STXBP5L: variants seen among roughly 807,000 people sequenced by gnomAD.
STXBP5L encodes the protein syntaxin binding protein 5L, also known as syntaxin-binding protein 5-like.
A neutral mutation model predicts 144.5 loss-of-function variants in STXBP5L; 65 were observed. That is an observed-to-expected ratio of 0.45 (90% CI 0.37 to 0.55). The LOEUF is 0.55. Among genes scored for constraint, STXBP5L ranks in the 20% least tolerant of loss-of-function variants. STXBP5L has a pLI of 0.00. For missense variants in STXBP5L, 1,298 were observed against 1,405.5 expected (o/e 0.92, Z 1.22); for synonymous variants, 505 against 469.6 (o/e 1.08, Z -0.97).
chr3:121,406,859 T>C (rs553612436), intron 22 of STXBP5L, among the ~76,000 whole-genome samples: 5 of 152,048 alleles, frequency 3.3e-5, no homozygotes, highest in African/African-American at 1.2e-4. Context: ...ATTTTCTTTT[T>C]TATAAAAGGA....
At chr3:121,066,332 A>G (rs1008745233) in intron 5 of STXBP5L, among the ~76,000 whole-genome samples, 15 of 150,542 alleles carry the variant, frequency 1.0e-4, no homozygotes, top group Admixed American at 3.3e-4. Flanking sequence ...AGATTAAGAA[A>G]GTTTATTTTG....
intron 3 of STXBP5L, among the ~76,000 whole-genome samples, chr3:120,991,592 C>A (rs977796921): frequency 6.6e-6 from 1 of 152,154 alleles, no homozygotes; most frequent in African/African-American, 2.4e-5. Context: ...AAATGTCCAA[C>A]AATGATAGAC....
chr3:121,376,391 T>C (rs2046184594), intron 20 of STXBP5L, among the ~76,000 whole-genome samples: 1 of 152,336 alleles, frequency 6.6e-6, no homozygotes, highest in Admixed American at 6.5e-5. Flanking sequence ...CTTTAATCCA[T>C]CTGGAGTTAA....
chr3:121,113,666 C>CT (rs1273804231), intron 5 of STXBP5L, among the ~76,000 whole-genome samples: 6,156 of 131,288 alleles, frequency 0.047, 243 homozygotes, highest in Admixed American at 0.1. Flanking sequence ...ATTCTTTTTT[C>CT]TTTTTCTTTT....
At chr3:120,924,486 A>C (rs560953607) in intron 2 of STXBP5L, 19 of 152,482 alleles carry the variant, frequency 1.2e-4, no homozygotes, top group Admixed American at 5.2e-4. Flanking sequence ...TATCAGGTAA[A>C]TATCTAAACT....
At chr3:121,300,332 A>C (rs921159102) in intron 19 of STXBP5L, among the ~76,000 whole-genome samples, 9 of 152,192 alleles carry the variant, frequency 5.9e-5, no homozygotes, top group African/African-American at 1.9e-4. Flanking sequence ...TTAGGAATAC[A>C]GGTAAGAATG....
intron 19 of STXBP5L, among the ~76,000 whole-genome samples, chr3:121,280,974 T>C (rs1055553970): frequency 6.6e-6 from 1 of 151,118 alleles, no homozygotes; most frequent in Non-Finnish European, 1.5e-5. Context: ...AATTTCTACA[T>C]TGTATTATTT....
At chr3:120,938,773 G>A (rs1012003879) in intron 2 of STXBP5L, among the ~76,000 whole-genome samples, 3 of 152,038 alleles carry the variant, frequency 2.0e-5, no homozygotes, top group African/African-American at 7.2e-5. Flanking sequence ...CAGTTGATTA[G>A]CCTTTCTTTT....
At chr3:121,412,047 T>TTATTTG (rs3044700) in intron 23 of STXBP5L, among the ~76,000 whole-genome samples, 1 of 151,302 alleles carries the variant, frequency 6.6e-6, no homozygotes. Flanking sequence ...CCTGTGATTT[T>TTATTTG]TATGATTTTA....
At chr3:121,393,863 A>G (rs1270196706) in intron 22 of STXBP5L, among the ~76,000 whole-genome samples, 1 of 152,148 alleles carries the variant, frequency 6.6e-6, no homozygotes, top group Non-Finnish European at 1.5e-5. Flanking sequence ...AGGCAATGTG[A>G]TACCTGCAGC....
chr3:120,981,037 A>G (rs952639052), intron 3 of STXBP5L, among the ~76,000 whole-genome samples: 1 of 152,046 alleles, frequency 6.6e-6, no homozygotes, highest in Admixed American at 6.6e-5. Flanking sequence ...GGAACCCAGC[A>G]TCTTCTTGTT....
At chr3:121,010,592 A>G (rs894854528) in intron 3 of STXBP5L, among the ~76,000 whole-genome samples, 10 of 151,704 alleles carry the variant, frequency 6.6e-5, no homozygotes, top group African/African-American at 2.4e-4. Flanking sequence ...GATCTGCCAC[A>G]CCGTCAAAAG....
chr3:121,400,072 T>C (rs2046834292), intron 22 of STXBP5L, among the ~76,000 whole-genome samples: 1 of 152,206 alleles, frequency 6.6e-6, no homozygotes, highest in South Asian at 2.1e-4. Flanking sequence ...ATGCACAGGG[T>C]TCTGCTCCCA....
intron 7 of STXBP5L, among the ~76,000 whole-genome samples, chr3:121,144,883 T>A (rs9860056): frequency 6.6e-6 from 1 of 151,822 alleles, no homozygotes; most frequent in African/African-American, 2.4e-5. Context: ...GAGGATATTA[T>A]GTGAAGTGAA....
At chr3:121,020,065 A>G (rs1228219115) in intron 3 of STXBP5L, among the ~76,000 whole-genome samples, 3 of 152,182 alleles carry the variant, frequency 2.0e-5, no homozygotes, top group Non-Finnish European at 4.4e-5. Context: ...AGTGAAATAG[A>G]TAGCATAAAT....
At chr3:121,011,395 C>G (rs73855303) in intron 3 of STXBP5L, among the ~76,000 whole-genome samples, 2 of 151,530 alleles carry the variant, frequency 1.3e-5, no homozygotes, top group Admixed American at 6.6e-5. Flanking sequence ...ATTTTTATAG[C>G]AAGGACAATA....
rs1163465648 is a variant in STXBP5L at position 121,225,617 on chromosome 3, G to A, written c.1111+2460G>A. 2.6e-5 allele frequency among the ~76,000 whole-genome samples: 4 copies of A among 152,238 alleles called. No homozygotes were observed. In the East Asian group the frequency reaches 7.7e-4, roughly 29 times the overall value. On this transcript the variant is annotated intron_variant, in intron 11 of 26. Coordinates refer to ENST00000471454, the MANE Select transcript of STXBP5L (RefSeq NM_001308330.2). ...ATGTGTTGGCTACCCTGACCACCTAGATGAATTTAGAACTCTACAAAGGAA... is the reference window on the plus strand; with the variant it reads ...ATGTGTTGGCTACCCTGACCACCTAAATGAATTTAGAACTCTACAAAGGAA...
At chr3:121,053,425 A>C (rs907330072) in intron 5 of STXBP5L, among the ~76,000 whole-genome samples, 4 of 152,240 alleles carry the variant, frequency 2.6e-5, no homozygotes, top group Admixed American at 2.6e-4. Context: ...CAGAGCCCTC[A>C]GAAATAATTC....
intron 5 of STXBP5L, among the ~76,000 whole-genome samples, chr3:121,106,257 A>G (rs985108365): frequency 2.0e-5 from 3 of 152,162 alleles, no homozygotes; most frequent in African/African-American, 7.2e-5. Context: ...TAAAAATTTA[A>G]TTTAAAGTTC....
Sources: gnomAD v4.1 joint callset for allele counts (sites outside exome capture counted in the v4.1 genomes callset) on GRCh38, gnomAD v4.1.1 for gene constraint, MANE v1.5 for transcripts, NCBI Gene and HGNC (gene_info 2026-07-23, HGNC 2026-07-21) for gene names.